SLC8A1: variants seen among roughly 807,000 people sequenced by gnomAD.
The protein encoded by SLC8A1 is sodium/calcium exchanger 1.
A neutral mutation model predicts 68.3 loss-of-function variants in SLC8A1; 18 were observed. That is an observed-to-expected ratio of 0.26 (90% CI 0.18 to 0.39). The LOEUF (loss-of-function observed/expected upper bound fraction) is 0.39. SLC8A1 is among the 10% of genes least tolerant of loss of function. The probability of loss-of-function intolerance (pLI) is 1.00; values close to 1 mark genes in which losing one functional copy is unlikely to be tolerated. For missense variants in SLC8A1, 985 were observed against 1,156.7 expected (o/e 0.85, Z 2.15); for synonymous variants, 475 against 415.5 (o/e 1.14, Z -1.74).
intron 2 of SLC8A1, among the ~76,000 whole-genome samples, chr2:40,321,433 C>G (rs115114409): frequency 0.011 from 1,619 of 152,166 alleles, 30 homozygotes; most frequent in African/African-American, 0.037. Context: ...GACCCGAAGG[C>G]TCTCAGTAAC....
intron 2 of SLC8A1, among the ~76,000 whole-genome samples, chr2:40,336,520 A>C (rs1051355697): frequency 6.6e-6 from 1 of 152,174 alleles, no homozygotes; most frequent in African/African-American, 2.4e-5. Context: ...ATCTTATTTA[A>C]CCATAAGGCT....
chr2:40,366,065 C>T lies in SLC8A1; in HGVS notation c.1808+62408G>A, dbSNP rs1188403844. On this transcript the variant is annotated intron_variant, in intron 2 of 7. Transcript: ENST00000406785. Reference sequence around the variant, plus strand: ...TCCAGAGAACTAGGACTTCATTCTTCTTCTGTACATTATGAGCTACCTGAA... The same window carrying T: ...TCCAGAGAACTAGGACTTCATTCTTTTTCTGTACATTATGAGCTACCTGAA... 4.6e-5 allele frequency among the ~76,000 whole-genome samples: 7 copies of T among 151,782 alleles called. No homozygotes were observed. In the South Asian group the frequency reaches 1.0e-3, roughly 23 times the overall value.
chr2:40,173,039 A>G (rs105287), intron 4 of SLC8A1, among the ~76,000 whole-genome samples: 119,308 of 152,174 alleles, frequency 0.78, 47,412 homozygotes, highest in Middle Eastern at 0.85. Context: ...AGTAGCCACA[A>G]GTTTTTAGTT....
At chr2:40,242,103 T>A (rs1441735681) in intron 2 of SLC8A1, among the ~76,000 whole-genome samples, 1 of 152,022 alleles carries the variant, frequency 6.6e-6, no homozygotes, top group Non-Finnish European at 1.5e-5. Flanking sequence ...TATAAAGTGG[T>A]AACGCCTTAC....
At chr2:40,233,806 T>C (rs1029403708) in intron 2 of SLC8A1, among the ~76,000 whole-genome samples, 3 of 151,970 alleles carry the variant, frequency 2.0e-5, no homozygotes, top group Non-Finnish European at 2.9e-5. Context: ...GTTTCAGCTT[T>C]CTACATATGG....
chr2:40,137,272 A>T (rs1407178941), intron 7 of SLC8A1, among the ~76,000 whole-genome samples: 6 of 152,244 alleles, frequency 3.9e-5, no homozygotes. Flanking sequence ...GATAAGAGGT[A>T]TTGGGGAGTA....
intron 2 of SLC8A1, chr2:40,251,403 G>A (rs1229583340): frequency 1.3e-5 from 2 of 152,158 alleles, no homozygotes; most frequent in African/African-American, 4.8e-5. Flanking sequence ...CTTCATCTCA[G>A]AAGAGCAGGA....
intron 6 of SLC8A1, among the ~76,000 whole-genome samples, chr2:40,146,715 A>G (rs2042541016): frequency 6.6e-6 from 1 of 151,994 alleles, no homozygotes; most frequent in South Asian, 2.1e-4. Context: ...TATTAATACT[A>G]TTGTACATAA....
chr2:40,257,077 A>G (rs755876609), intron 2 of SLC8A1, among the ~76,000 whole-genome samples: 1 of 152,172 alleles, frequency 6.6e-6, no homozygotes, highest in Non-Finnish European at 1.5e-5. Context: ...ACAAATATAC[A>G]TATCTGTGTA....
intron 2 of SLC8A1, among the ~76,000 whole-genome samples, chr2:40,200,253 T>TATATATATAAATATATATATATATAA (rs2054092813): frequency 5.7e-5 from 2 of 35,108 alleles, no homozygotes; most frequent in African/African-American, 1.3e-4. Context: ...TATATATATA[T>TATATATATAAATATATATATATATAA]ATATATATAT....
At chr2:40,479,794 T>G (rs982814985) in intron 1 of SLC8A1, among the ~76,000 whole-genome samples, 3 of 152,174 alleles carry the variant, frequency 2.0e-5, no homozygotes, top group African/African-American at 7.2e-5. Context: ...AAACCATTAA[T>G]ATTGGGAGAA....
chr2:40,323,105 C>G (rs1382110740), intron 2 of SLC8A1, among the ~76,000 whole-genome samples: 1 of 152,044 alleles, frequency 6.6e-6, no homozygotes, highest in African/African-American at 2.4e-5. Flanking sequence ...CAGAAATATT[C>G]TTATTTGTAA....
chr2:40,133,403 G>T (rs913763992), intron 7 of SLC8A1, among the ~76,000 whole-genome samples: 1 of 122,918 alleles, frequency 8.1e-6, no homozygotes, highest in African/African-American at 2.9e-5. Flanking sequence ...GGGGGGGGGG[G>T]GGTGGAAACC....
chr2:40,387,936 C>CAAAAAAAAAAA (rs57394425), intron 2 of SLC8A1, among the ~76,000 whole-genome samples: 1 of 90,942 alleles, frequency 1.1e-5, no homozygotes, highest in Non-Finnish European at 2.1e-5. Context: ...GAGACTGCCT[C>CAAAAAAAAAAA]AAAAAAAAAA....
At chr2:40,264,321 A>G (rs1386263366) in intron 2 of SLC8A1, among the ~76,000 whole-genome samples, 11 of 152,050 alleles carry the variant, frequency 7.2e-5, no homozygotes, top group African/African-American at 2.2e-4. Context: ...AACTAGAAAT[A>G]CCATTTGACC....
chr2:40,139,493 A>G (rs540022475), exon 7 of SLC8A1: 40 of 1,614,226 alleles, frequency 2.5e-5, no homozygotes, highest in African/African-American at 6.7e-5. Flanking sequence ...CAGGTCTCCA[A>G]TGAAAGCTGT....
At chr2:40,126,177 C>G (rs1360674715) in intron 7 of SLC8A1, among the ~76,000 whole-genome samples, 1 of 152,120 alleles carries the variant, frequency 6.6e-6, no homozygotes, top group Non-Finnish European at 1.5e-5. Context: ...GATAACAACT[C>G]CATGCTCTGA....
chr2:40,180,527 T>C (rs534179611), intron 2 of SLC8A1, among the ~76,000 whole-genome samples: 2 of 152,322 alleles, frequency 1.3e-5, no homozygotes, highest in South Asian at 4.1e-4. Flanking sequence ...ACAAACAGCA[T>C]GGTGAGACCA....
intron 1 of SLC8A1, among the ~76,000 whole-genome samples, chr2:40,473,622 A>C (rs1704117485): frequency 6.6e-6 from 1 of 152,222 alleles, no homozygotes; most frequent in East Asian, 1.9e-4. Flanking sequence ...CAAATGAGTG[A>C]AAGTTGTTCA....
Sources: gnomAD v4.1 joint callset for allele counts (sites outside exome capture counted in the v4.1 genomes callset) on GRCh38, gnomAD v4.1.1 for gene constraint, MANE v1.5 for transcripts, NCBI Gene and HGNC (gene_info 2026-07-23, HGNC 2026-07-21) for gene names.